Variants in ARHGAP42 observed in about 807,000 individuals in gnomAD.
ARHGAP42 encodes the protein Rho GTPase activating protein 42.
In ARHGAP42, 63 loss-of-function variants were observed where a neutral mutation model predicts 125.0. That is an observed-to-expected ratio of 0.50 (90% CI 0.41 to 0.62). ARHGAP42 has a LOEUF of 0.62. Ranked by LOEUF, ARHGAP42 falls within the 20% of genes least tolerant of loss-of-function variation. The pLI is 0.00. For missense variants in ARHGAP42, 766 were observed against 1,024.2 expected (o/e 0.75, Z 3.44); for synonymous variants, 339 against 351.0 (o/e 0.97, Z 0.38).
At chr11:100,903,743 T>A (rs1591283036) in intron 4 of ARHGAP42, among the ~76,000 whole-genome samples, 3 of 131,990 alleles carry the variant, frequency 2.3e-5, no homozygotes, top group African/African-American at 8.4e-5. Flanking sequence ...TATATATATA[T>A]ATATATATAT....
At chr11:100,757,073 A>G (rs573166786) in intron 1 of ARHGAP42, among the ~76,000 whole-genome samples, 3 of 152,326 alleles carry the variant, frequency 2.0e-5, no homozygotes, top group South Asian at 2.1e-4. Flanking sequence ...ATACATTGGC[A>G]GTTAAAATAG....
intron 6 of ARHGAP42, among the ~76,000 whole-genome samples, chr11:100,926,008 C>G (rs1867410903): frequency 6.6e-6 from 1 of 152,158 alleles, no homozygotes. Context: ...GTACTCTGAA[C>G]ACAAACAGCT....
intron 8 of ARHGAP42, among the ~76,000 whole-genome samples, chr11:100,937,316 A>G (rs939846294): frequency 2.6e-5 from 4 of 152,214 alleles, no homozygotes; most frequent in African/African-American, 7.2e-5. Flanking sequence ...TAGTTAGCGC[A>G]TAATAAGTAG....
intron 4 of ARHGAP42, among the ~76,000 whole-genome samples, chr11:100,877,520 A>G (rs61890820): frequency 0.071 from 10,804 of 152,304 alleles, 540 homozygotes; most frequent in East Asian, 0.25. Context: ...ATGAAAGACT[A>G]TGGTTTCTCA....
intron 1 of ARHGAP42, among the ~76,000 whole-genome samples, chr11:100,721,224 T>C (rs1260725985): frequency 1.3e-5 from 2 of 152,178 alleles, no homozygotes; most frequent in Admixed American, 1.3e-4. Context: ...TAGAATAGTT[T>C]TATAACCCTT....
At chr11:100,693,683 C>G (rs1861230182) in intron 1 of ARHGAP42, among the ~76,000 whole-genome samples, 1 of 152,162 alleles carries the variant, frequency 6.6e-6, no homozygotes, top group South Asian at 2.1e-4. Context: ...CAGTTCCTGT[C>G]TAGTGGAGAC....
At chr11:100,943,660 A>T in intron 9 of ARHGAP42, 99 bp from the exon 10 acceptor site, 1 of 774,034 alleles carries the variant, frequency 1.3e-6, no homozygotes, top group Non-Finnish European at 2.1e-6. Context: ...CATAACCTAT[A>T]CTGTTAAACA....
rs1858050491 is a variant in ARHGAP42 at position 100,964,886 on chromosome 11, TG to T, written c.1445-782del. Among the ~76,000 whole-genome samples the T allele has an allele frequency of 5.3e-5, 8 of 152,262 alleles. No homozygotes were observed. The East Asian group carries it at 7.7e-4, about 15-fold the overall frequency. On this transcript the variant is annotated intron_variant, in intron 16 of 23. Transcript: ENST00000298815. Reference sequence around the variant, plus strand: ...AATCTGGGGCTTCATCTGGTCACACTGGGTTGAATCTCTAGGAGCTCTCTGT... The same window carrying T: ...AATCTGGGGCTTCATCTGGTCACACTGGTTGAATCTCTAGGAGCTCTCTGT...
rs561496535 is a variant in ARHGAP42, at chr11:100,927,173, A to C, written c.597+5569A>C. ...AATACTTTTCAGAGTCTCTAAATTT[A>C]AAAAGCTTAAATAATTTTGAGATTG... On this transcript the variant is annotated intron_variant, in intron 6 of 23. Transcript: ENST00000298815. Among the ~76,000 whole-genome samples, 3 of 152,328 alleles carry C rather than the reference A, an allele frequency of 2.0e-5. No homozygotes were observed. In the South Asian group the frequency reaches 6.2e-4, roughly 32 times the overall value.
chr11:100,728,379 G>C (rs557889744), intron 1 of ARHGAP42, among the ~76,000 whole-genome samples: 1 of 152,144 alleles, frequency 6.6e-6, no homozygotes, highest in African/African-American at 2.4e-5. Context: ...GTTTAGCCAG[G>C]GGCTTACTGA....
chr11:100,689,409 C>A (rs1028503585), intron 1 of ARHGAP42, among the ~76,000 whole-genome samples: 1 of 152,144 alleles, frequency 6.6e-6, no homozygotes, highest in Non-Finnish European at 1.5e-5. Context: ...GTTGGAGGTG[C>A]CAGATATTCT....
At chr11:100,722,289 G>C (rs1326463005) in intron 1 of ARHGAP42, among the ~76,000 whole-genome samples, 1 of 151,484 alleles carries the variant, frequency 6.6e-6, no homozygotes, top group Admixed American at 6.6e-5. Flanking sequence ...TTATATCTGG[G>C]TTGTTGTTTT....
intron 17 of ARHGAP42, among the ~76,000 whole-genome samples, chr11:100,966,929 T>C (rs1052770616): frequency 2.0e-5 from 3 of 152,212 alleles, no homozygotes; most frequent in Non-Finnish European, 2.9e-5. Context: ...ATAAAATGAT[T>C]AATCCTTCAT....
intron 2 of ARHGAP42, among the ~76,000 whole-genome samples, chr11:100,784,678 C>A (rs1863393179): frequency 6.6e-6 from 1 of 151,820 alleles, no homozygotes; most frequent in African/African-American, 2.4e-5. Context: ...AAAAAAAAAT[C>A]CTTAGTATTA....
chr11:100,698,101 G>C (rs1277819206), intron 1 of ARHGAP42, among the ~76,000 whole-genome samples: 1 of 152,014 alleles, frequency 6.6e-6, no homozygotes, highest in Admixed American at 6.5e-5. Flanking sequence ...ATGCTTCCTT[G>C]GCTTGTCTCC....
At chr11:100,732,509 G>A (rs1861978231) in intron 1 of ARHGAP42, among the ~76,000 whole-genome samples, 1 of 152,116 alleles carries the variant, frequency 6.6e-6, no homozygotes, top group African/African-American at 2.4e-5. Flanking sequence ...ATTGCAAGTA[G>A]GTACAAACAG....
chr11:100,977,096 T>C (rs1006754090), intron 21 of ARHGAP42, 125 bp downstream of exon 21: 1 of 1,087,630 alleles, frequency 9.2e-7, no homozygotes, highest in South Asian at 1.6e-5. Context: ...GTAGAGTGGG[T>C]ACAGTCCACT....
intron 8 of ARHGAP42, among the ~76,000 whole-genome samples, chr11:100,941,016 G>A (rs1003233422): frequency 1.3e-5 from 2 of 152,154 alleles, no homozygotes; most frequent in Non-Finnish European, 2.9e-5. Flanking sequence ...AGGTGAGGGT[G>A]TTTAGATCTT....
intron 1 of ARHGAP42, among the ~76,000 whole-genome samples, chr11:100,751,829 G>T (rs1862467649): frequency 6.9e-6 from 1 of 145,566 alleles, no homozygotes; most frequent in Non-Finnish European, 1.5e-5. Context: ...GCCCAGGCTG[G>T]AGTGCAATGG....
Sources: gnomAD v4.1 joint callset for allele counts (sites outside exome capture counted in the v4.1 genomes callset) on GRCh38, gnomAD v4.1.1 for gene constraint, MANE v1.5 for transcripts, NCBI Gene and HGNC (gene_info 2026-07-23, HGNC 2026-07-21) for gene names.